The following ZNF285 variants were observed in gnomAD, a reference collection of about 807,000 sequenced individuals.
ZNF285 encodes zinc finger protein 285A.
Under a neutral mutation model 6.2 loss-of-function variants are expected in ZNF285, and 4 were observed. That is an observed-to-expected ratio of 0.65 (90% CI 0.32 to 1.49). ZNF285 has a LOEUF of 1.49. Among genes scored for constraint, ZNF285 ranks in the 40% most tolerant of loss-of-function variants. The pLI, the probability that ZNF285 is intolerant of heterozygous loss-of-function variation, is 0.07. For missense variants in ZNF285, 695 were observed against 708.8 expected (o/e 0.98, Z 0.22); for synonymous variants, 240 against 245.8 (o/e 0.98, Z 0.22).
Position 44,382,899 on chromosome 19 carries a change from G to C in ZNF285, c.*3573C>G, listed in dbSNP as rs1013753836. 2.6e-5 allele frequency: 4 copies of C among 152,174 alleles called. No homozygotes were observed. The allele number at this position is 152,174 out of a possible 1,614,324, so 9.4% of individuals were successfully genotyped here. On this transcript the variant is annotated 3_prime_UTR_variant, in exon 4 of 4. Transcript: ENST00000614994. ...GAAGAGAAAGCCGCTGGGAAGTTGA[G>C]TTCATGTAAAGCCCTTCCCACTGAA... is the stretch of plus-strand genomic sequence containing the variant.
At chr19:44,396,397 C>T (rs1971280963) in intron 2 of ZNF285, among the ~76,000 whole-genome samples, 2 of 152,076 alleles carry the variant, frequency 1.3e-5, no homozygotes, top group Non-Finnish European at 2.9e-5. Context: ...TCTAATGTGT[C>T]AACTTGGCTA....
chr19:44,392,797 T>C (rs1243926793), intron 2 of ZNF285, among the ~76,000 whole-genome samples: 1 of 152,094 alleles, frequency 6.6e-6, no homozygotes. Context: ...AATTATAAAA[T>C]ATGGCCCAGG....
Position 44,388,033 on chromosome 19 carries a change from A to T in ZNF285, c.212T>A (p.Leu71His). Residue 71 changes from leucine (L) to histidine (H), a missense_variant, in exon 4 of 4, where the codon CTT becomes CAT. Coordinates refer to ENST00000614994, the MANE Select transcript of ZNF285 (RefSeq NM_152354.6). The part of the protein sequence containing the change: ...KGLSYLSQEV[L>H]HCWQIWKQRI... The stretch of plus-strand genomic sequence containing the variant: ...TTGTTTCCAAATCTGCCAGCAATGA[A>T]GCACTTCTTGCGAAAGGTAACTTAA... 1 of 1,614,162 alleles carries T rather than the reference A, an allele frequency of 6.2e-7. No individual in the cohort carries two copies. The highest frequency in any genetic ancestry group is 8.5e-7 in the Non-Finnish European group (1 of 1,180,014).
chr19:44,391,167 A>G (rs902112199), intron 3 of ZNF285, among the ~76,000 whole-genome samples: 6 of 151,702 alleles, frequency 4.0e-5, no homozygotes, highest in African/African-American at 1.5e-4. Flanking sequence ...AAAAAAAAAA[A>G]AGATTTCCCT....
chr19:44,399,675 T>G (rs1568390910), intron 1 of ZNF285, among the ~76,000 whole-genome samples: 1 of 151,706 alleles, frequency 6.6e-6, no homozygotes, highest in African/African-American at 2.4e-5. Flanking sequence ...TTCCTGAATT[T>G]CTGGCTTCAG....
At chr19:44,392,307 A>G (rs1971209005) in intron 3 of ZNF285, 33 bp downstream of exon 3, 1 of 1,613,034 alleles carries the variant, frequency 6.2e-7, no homozygotes, top group Admixed American at 1.7e-5. Flanking sequence ...ATTTGAGGAA[A>G]CAGGTCCAGT....
chr19:44,392,680 A>T (rs1175758804), intron 2 of ZNF285: 2 of 873,542 alleles, frequency 2.3e-6, no homozygotes, highest in African/African-American at 3.3e-5. Flanking sequence ...CTCTGCTCTC[A>T]CTGTGTCCTT....
At chr19:44,393,477 GT>G (rs1420287914) in intron 2 of ZNF285, among the ~76,000 whole-genome samples, 1 of 152,012 alleles carries the variant, frequency 6.6e-6, no homozygotes, top group Non-Finnish European at 1.5e-5. Context: ...TGATGGGGTT[GT>G]TTTTTTCTTG....
rs1215732602 is a variant in ZNF285 at position 44,385,521 on chromosome 19, T to G, written c.*951A>C. 6.6e-6 allele frequency: 1 copy of G among 152,238 alleles called. No homozygotes were observed. The highest frequency in any genetic ancestry group is 1.5e-5 in the Non-Finnish European group (1 of 68,044). 9.4% of individuals were successfully genotyped at this position (152,238 alleles called of 1,614,324 possible). The stretch of plus-strand genomic sequence containing the variant: ...TTAAAGATTTAAAAGTTTTGAACTC[T>G]GAATTATGTTACTTCTGTATGTGGA... On this transcript the variant is annotated 3_prime_UTR_variant, in exon 4 of 4. Transcript: ENST00000614994.
Position 44,384,129 on chromosome 19 carries a change from C to G in ZNF285, c.*2343G>C, listed in dbSNP as rs548804988. 1 of 152,236 alleles carries G rather than the reference C, an allele frequency of 6.6e-6. No homozygotes were observed. The highest frequency in any genetic ancestry group is 2.4e-5 in the African/African-American group (1 of 41,546). The allele number at this position is 152,236 out of a possible 1,614,324, so 9.4% of individuals were successfully genotyped here. A position where few individuals can be genotyped will look rare whatever the true frequency, so the allele number is the denominator to read the frequency against. On this transcript the variant is annotated 3_prime_UTR_variant, in exon 4 of 4. Transcript: ENST00000614994. ...TACTGGAGTATGTGGTGGACATGGA[C>G]AATAACATGTGGACATTTTTATAGG...
At chr19:44,390,423 G>T (rs1971173685) in intron 3 of ZNF285, among the ~76,000 whole-genome samples, 1 of 152,138 alleles carries the variant, frequency 6.6e-6, no homozygotes, top group Non-Finnish European at 1.5e-5. Context: ...CATGGGGCCT[G>T]TAGCCCCTTT....
At chr19:44,399,789 G>A (rs1971345804) in intron 1 of ZNF285, among the ~76,000 whole-genome samples, 2 of 151,770 alleles carry the variant, frequency 1.3e-5, no homozygotes, top group South Asian at 2.1e-4. Context: ...GTGTTGGCTC[G>A]GGGTAAGGAA....
At chr19:44,392,119 A>G in intron 3 of ZNF285, 1 of 1,388,518 alleles carries the variant, frequency 7.2e-7, no homozygotes, top group Non-Finnish European at 9.3e-7. Flanking sequence ...CCCACAGGCC[A>G]GGGGTATGAG....
In ZNF285 at chr19:44,386,166, G is replaced by T. The variant is rs1971065485; in HGVS notation, c.*306C>A. ...GACCTTACCATGATCATCCCAATTAGAATTTCCTTCCTGGACACACCCTTT... is the reference window on the plus strand; with the variant it reads ...GACCTTACCATGATCATCCCAATTATAATTTCCTTCCTGGACACACCCTTT... On this transcript the variant is annotated 3_prime_UTR_variant, in exon 4 of 4. Transcript: ENST00000614994. 7 of 264,412 alleles carry T rather than the reference G, an allele frequency of 2.6e-5. No individual in the cohort carries two copies. Among genetic ancestry groups the T allele is most frequent in the Non-Finnish European group, 5.0e-5 (7 of 138,614 alleles). 16.4% of individuals were successfully genotyped at this position (264,412 alleles called of 1,614,324 possible). A position where few individuals can be genotyped will look rare whatever the true frequency, so the allele number is the denominator to read the frequency against.
chr19:44,386,580 G>A lies in ZNF285; in HGVS notation c.1665C>T (p.Leu555=), dbSNP rs1409452790. The change falls in exon 4 of 4, where the codon CTC becomes CTT. Residue 555 remains leucine, a synonymous_variant. Coordinates refer to ENST00000614994, the MANE Select transcript of ZNF285 (RefSeq NM_152354.6). Reference sequence around the variant, plus strand: ...CTATATGCACTCTCTGATGGGCAAGGAGGTATGAATTACGACTGAAGCCCT... The same window carrying A: ...CTATATGCACTCTCTGATGGGCAAGAAGGTATGAATTACGACTGAAGCCCT... ...CGKGFSRNSY[L]LAHQRVHIDE... is the part of the protein sequence containing the mutation. 2 of 1,614,140 alleles carry A rather than the reference G, an allele frequency of 1.2e-6. No individual in the cohort carries two copies. Among genetic ancestry groups the A allele is most frequent in the Non-Finnish European group, 1.7e-6 (2 of 1,179,996 alleles).
At position 44,390,898 on chromosome 19, in the gene ZNF285, G is replaced by T. The variant is rs528793138; in HGVS notation, c.142+1442C>A. On this transcript the variant is annotated intron_variant, in intron 3 of 3. Transcript: ENST00000614994. ...CAGCTGGGCACGGTGGCTTGCACCT[G>T]TAATCCCAGCACTTTGGGAGGCTGA... Among the ~76,000 whole-genome samples, 27 of 152,166 alleles carry T rather than the reference G, an allele frequency of 1.8e-4. No homozygotes were observed. In the South Asian group the frequency reaches 2.1e-3, roughly 12 times the overall value.
At chr19:44,397,467 T>C (rs1286138593) in intron 1 of ZNF285, among the ~76,000 whole-genome samples, 2 of 152,118 alleles carry the variant, frequency 1.3e-5, no homozygotes, top group African/African-American at 2.4e-5. Flanking sequence ...AACTCCTATC[T>C]CTCTCCTGAA....
intron 1 of ZNF285, among the ~76,000 whole-genome samples, chr19:44,401,181 C>CA (rs1192559356): frequency 6.6e-6 from 1 of 152,154 alleles, no homozygotes; most frequent in Non-Finnish European, 1.5e-5. Flanking sequence ...CAGGGACGCA[C>CA]AGTCCAGCCA....
chr19:44,396,033 T>C (rs1371871322), intron 2 of ZNF285, among the ~76,000 whole-genome samples: 1 of 152,122 alleles, frequency 6.6e-6, no homozygotes, highest in Non-Finnish European at 1.5e-5. Context: ...ATTTAGAAGA[T>C]AGAAAATGTA....
Sources: allele counts gnomAD v4.1 joint callset (sites outside exome capture counted in the v4.1 genomes callset), GRCh38; gene constraint gnomAD v4.1.1; transcripts MANE v1.5; gene names NCBI Gene and HGNC (gene_info 2026-07-23, HGNC 2026-07-21).